Variants in MTIF3 observed in about 807,000 individuals in gnomAD.
MTIF3 encodes the protein mitochondrial translational initiation factor 3, also known as translation initiation factor IF-3, mitochondrial.
Under a neutral mutation model 20.7 loss-of-function variants are expected in MTIF3, and 13 were observed. The observed-to-expected ratio is 0.63, with a 90% confidence interval of 0.41 to 1.00. MTIF3 has a LOEUF of 1.00. MTIF3 is among the 50% of genes least tolerant of loss of function. The probability of loss-of-function intolerance (pLI) is 0.00; values close to 1 mark genes in which losing one functional copy is unlikely to be tolerated. For synonymous variants in MTIF3, 114 were observed against 112.5 expected, an observed-to-expected ratio of 1.01 and a Z score of -0.08; for missense variants, 295 against 324.5, an observed-to-expected ratio of 0.91 and a Z score of 0.70.
intron 1 of MTIF3, among the ~76,000 whole-genome samples, chr13:27,447,213 A>AAAAAAC (rs1266147303): frequency 6.6e-6 from 1 of 151,778 alleles, no homozygotes; most frequent in Non-Finnish European, 1.5e-5. Flanking sequence ...AAAAAAAAAA[A>AAAAAAC]AAGATGAACT....
intron 2 of MTIF3, 118 bp from the exon 3 acceptor site, chr13:27,440,567 GA>G: frequency 1.3e-6 from 1 of 744,608 alleles, no homozygotes; most frequent in Non-Finnish European, 2.1e-6. Context: ...AAGTGTGAGG[GA>G]AATGCTGTTC....
chr13:27,436,941 C>T (rs781712307), intron 4 of MTIF3, among the ~76,000 whole-genome samples, 175 bp downstream of exon 4: 12 of 151,830 alleles, frequency 7.9e-5, no homozygotes, highest in African/African-American at 1.2e-4. Context: ...TTAGTAGAGA[C>T]GGGGTTTCAC....
chr13:27,436,983 T>C (rs878920169), intron 4 of MTIF3, 133 bp downstream of exon 4: 64 of 795,376 alleles, frequency 8.0e-5, no homozygotes, highest in Admixed American at 2.0e-4. Context: ...AATCTCCTGA[T>C]CTCGTGATCC....
intron 2 of MTIF3, 130 bp from the exon 3 acceptor site, chr13:27,440,579 T>C: frequency 1.4e-6 from 1 of 707,338 alleles, no homozygotes; most frequent in Non-Finnish European, 2.3e-6. Flanking sequence ...AATGCTGTTC[T>C]CTAGACTTTC....
chr13:27,450,083 G>T (rs1246641792), intron 1 of MTIF3: 1 of 152,310 alleles, frequency 6.6e-6, no homozygotes, highest in Non-Finnish European at 1.5e-5. Flanking sequence ...GCAGTAAGCC[G>T]CAAGAGCACT....
intron 1 of MTIF3, among the ~76,000 whole-genome samples, chr13:27,448,132 G>C (rs1238075836): frequency 4.5e-5 from 6 of 134,108 alleles, no homozygotes; most frequent in African/African-American, 1.7e-4. Context: ...TGGTTTAGTA[G>C]ATATGAGGGG....
chr13:27,445,033 A>G (rs1407036074), intron 2 of MTIF3, 55 bp downstream of exon 2: 1 of 152,200 alleles, frequency 6.6e-6, no homozygotes, highest in Non-Finnish European at 1.5e-5. Context: ...TATTATATTG[A>G]TTTTTTACTT....
chr13:27,437,225 T>C lies in MTIF3; in HGVS notation c.509A>G (p.His170Arg), dbSNP rs1252635129. Residue 170 changes from histidine to arginine, a missense_variant, in exon 4 of 5, where the codon CAT (histidine) becomes CGT (arginine). By Grantham distance (29) the His-to-Arg change is conservative (BLOSUM62 0). Transcript: ENST00000381120. Reference sequence around the variant, plus strand: ...CTGTTTAGTCTTTGTGTCCAAATCATGTTGTCCAATATTTGAAGACAAAAT... The same window carrying C: ...CTGTTTAGTCTTTGTGTCCAAATCACGTTGTCCAATATTTGAAGACAAAAT... Reference protein sequence around the residue: ...ELILSSNIGQHDLDTKTKQIQ... With the variant: ...ELILSSNIGQRDLDTKTKQIQ... 9 of 1,614,040 alleles carry C rather than the reference T, an allele frequency of 5.6e-6. No homozygotes were observed. Among genetic ancestry groups the C allele is most frequent in the Non-Finnish European group, 7.6e-6 (9 of 1,180,012 alleles).
At chr13:27,447,992 C>A (rs1015812084) in intron 1 of MTIF3, among the ~76,000 whole-genome samples, 1 of 151,732 alleles carries the variant, frequency 6.6e-6, no homozygotes, top group Non-Finnish European at 1.5e-5. Flanking sequence ...CATTCTTGTA[C>A]CAAAAAAAAG....
At chr13:27,438,481 C>CTTTTT (rs1566082029) in intron 3 of MTIF3, among the ~76,000 whole-genome samples, 27 of 52,044 alleles carry the variant, frequency 5.2e-4, no homozygotes, top group South Asian at 1.8e-3. Context: ...CAGAGCAAGA[C>CTTTTT]TGTTTTTTTT....
At position 27,450,553 on chromosome 13, in the gene MTIF3, CAG is replaced by C; in HGVS notation, c.-117_-116del. ...TGACATACTGTAGCGGACGCAAGTA[CAG>C]CGGATCTGCGGCGAGTCCCCTTCGC... is the stretch of plus-strand genomic sequence containing the variant. On this transcript the variant is annotated 5_prime_UTR_variant, in exon 1 of 5. Coordinates refer to ENST00000381120, the MANE Select transcript of MTIF3 (RefSeq NM_152912.5). The C allele has an allele frequency of 7.2e-6, 1 of 139,464 alleles. No homozygotes were observed. Among genetic ancestry groups the C allele is most frequent in the Non-Finnish European group, 1.5e-5 (1 of 68,030 alleles). 8.6% of individuals were successfully genotyped at this position (139,464 alleles called of 1,614,324 possible).
At chr13:27,436,262 CAG>C (rs1202143800) in intron 4 of MTIF3, among the ~76,000 whole-genome samples, 2 of 152,268 alleles carry the variant, frequency 1.3e-5, no homozygotes, top group East Asian at 1.9e-4. Context: ...TTGCCCCTAA[CAG>C]AGTCTCTCTC....
chr13:27,444,262 G>A lies in MTIF3; in HGVS notation c.-2+826C>T, dbSNP rs184643540. Among the ~76,000 whole-genome samples the A allele has an allele frequency of 6.6e-5, 10 of 151,570 alleles. No homozygotes were observed. The East Asian group carries it at 1.8e-3, about 27-fold the overall frequency. ...CGGAGCTAGCAGTGAGCGAGATTGC[G>A]CCACTGCACTCCAGCCTGGGCGACA... On this transcript the variant is annotated intron_variant, in intron 2 of 4. Coordinates refer to ENST00000381120, the MANE Select transcript of MTIF3 (RefSeq NM_152912.5).
At chr13:27,436,768 T>G (rs1164326507) in intron 4 of MTIF3, among the ~76,000 whole-genome samples, 1 of 133,688 alleles carries the variant, frequency 7.5e-6, no homozygotes, top group Non-Finnish European at 1.7e-5. Flanking sequence ...TTTTTTTTTT[T>G]TGAGACGGAG....
At chr13:27,436,035 C>G (rs1420422918) in intron 4 of MTIF3, 142 bp from the exon 5 acceptor site, 2 of 635,592 alleles carry the variant, frequency 3.1e-6, no homozygotes, top group Non-Finnish European at 5.5e-6. Context: ...TCATACGTAT[C>G]TGGTTAAGTT....
Position 27,440,275 on chromosome 13 carries a change from A to G in MTIF3, c.174T>C (p.Ala58=). 1 of 1,614,058 alleles carries G rather than the reference A, an allele frequency of 6.2e-7. No individual in the cohort carries two copies. Among genetic ancestry groups the G allele is most frequent in the Non-Finnish European group, 8.5e-7 (1 of 1,180,028 alleles). The stretch of plus-strand genomic sequence containing the variant: ...TTTTTCCTTCATTCTGGGTGTCTTC[A>G]GCGGTACTAAAGGCTTTTGCATGAA... ...FLIHAKAFST[A]EDTQNEGKKT... Residue 58 remains alanine (A), a synonymous_variant, in exon 3 of 5, where the codon GCT becomes GCC. Coordinates refer to ENST00000381120, the MANE Select transcript of MTIF3 (RefSeq NM_152912.5).
At position 27,437,238 on chromosome 13, in the gene MTIF3, T is replaced by G. The variant is rs749208192; in HGVS notation, c.496A>C (p.Asn166His). 2 of 1,613,928 alleles carry G rather than the reference T, an allele frequency of 1.2e-6. No individual in the cohort carries two copies. The highest frequency in any genetic ancestry group is 1.7e-6 in the Non-Finnish European group (2 of 1,180,028). ...GTGTCCAAATCATGTTGTCCAATAT[T>G]TGAAGACAAAATCAGTTCCTTTCTC... ...TLRKELILSS[N>H]IGQHDLDTKT... Residue 166 changes from asparagine (N) to histidine (H), a missense_variant, in exon 4 of 5, where the codon AAT (asparagine) becomes CAT (histidine). Coordinates refer to ENST00000381120, the MANE Select transcript of MTIF3 (RefSeq NM_152912.5).
intron 1 of MTIF3, among the ~76,000 whole-genome samples, chr13:27,447,365 G>A (rs999936837): frequency 1.1e-4 from 17 of 152,032 alleles, no homozygotes; most frequent in African/African-American, 3.9e-4. Flanking sequence ...GCCTCTGTGA[G>A]GTAAACAACA....
At position 27,440,388 on chromosome 13, in the gene MTIF3, T is replaced by C; in HGVS notation, c.61A>G (p.Ile21Val). The C allele has an allele frequency of 1.9e-6, 3 of 1,614,194 alleles. No individual in the cohort carries two copies. The highest frequency in any genetic ancestry group is 2.5e-6 in the Non-Finnish European group (3 of 1,180,022). Residue 21 changes from isoleucine to valine, a missense_variant, in exon 3 of 5, where the codon ATT (isoleucine) becomes GTT (valine). Physicochemically the swap from Ile to Val is conservative, Grantham distance 29. Coordinates refer to ENST00000381120, the MANE Select transcript of MTIF3 (RefSeq NM_152912.5). ...AGGATGTGTTTACCAAAACATCTAA[T>C]GCAACTATTTTCAGACTTTACAGTT... ...LQTVKSENSC[I>V]RCFGKHILQK...
Sources: allele counts gnomAD v4.1 joint callset (sites outside exome capture counted in the v4.1 genomes callset), GRCh38; gene constraint gnomAD v4.1.1; transcripts MANE v1.5; gene names NCBI Gene and HGNC (gene_info 2026-07-23, HGNC 2026-07-21).